ATP9A: variants seen among roughly 807,000 people sequenced by gnomAD.
The protein encoded by ATP9A is probable phospholipid-transporting ATPase IIA.
A neutral mutation model predicts 144.1 loss-of-function variants in ATP9A; 52 were observed. That is an observed-to-expected ratio of 0.36 (90% CI 0.29 to 0.45). The LOEUF (loss-of-function observed/expected upper bound fraction) is 0.45. ATP9A is among the 20% of genes least tolerant of loss of function. The probability of loss-of-function intolerance (pLI) is 1.00; values close to 1 mark genes in which losing one functional copy is unlikely to be tolerated. For synonymous variants in ATP9A, 582 were observed against 557.4 expected (o/e 1.04, Z -0.62); for missense variants, 947 against 1,392.7 (o/e 0.68, Z 5.09).
Position 51,696,106 on chromosome 20 carries a change from T to G in ATP9A, c.534A>C (p.Thr178=). 6.2e-7 allele frequency: 1 copy of G among 1,613,900 alleles called. No individual in the cohort carries two copies. The highest frequency in any genetic ancestry group is 8.5e-7 in the Non-Finnish European group (1 of 1,179,762). Residue 178 remains threonine, a synonymous_variant, in exon 6 of 28, where the codon ACA becomes ACC. Coordinates refer to ENST00000338821, the MANE Select transcript of ATP9A (RefSeq NM_006045.3). The stretch of plus-strand genomic sequence containing the variant: ...TCAGATGTTTACCGTTTTTTTCTGA[T>G]GTCCTCAGGAAGATCATGTCGGCAG... ...RVPADMIFLR[T]SEKNGSCFLR... is the part of the protein sequence containing the mutation.
At position 51,629,031 on chromosome 20, in the gene ATP9A, T is replaced by C; in HGVS notation, c.1710A>G (p.Ala570=). The part of the protein sequence containing the change: ...TGEITFYMKG[A]DVVMAGIVQY... ...GCACAATGCCAGCCATGACCACATC[T>C]GCTCCCTTCATGTAAAACGTAATTT... The change falls in exon 16 of 28, where the codon GCA becomes GCG. Residue 570 remains alanine, a synonymous_variant. Transcript: ENST00000338821. The C allele has an allele frequency of 6.2e-7, 1 of 1,614,188 alleles. No homozygotes were observed. Among genetic ancestry groups the C allele is most frequent in the Non-Finnish European group, 8.5e-7 (1 of 1,179,990 alleles).
rs111405109 is a variant in ATP9A, at chr20:51,608,922, C to T, written c.2637-296G>A. ...ATATAATGGGGTAGAGGAAATAAGA[C>T]GTGTGTGTGTGTGTGTGTGTGTGTG... On this transcript the variant is annotated intron_variant, in intron 24 of 27. Transcript: ENST00000338821. Among the ~76,000 whole-genome samples, 1,291 of 142,904 alleles carry T rather than the reference C, an allele frequency of 9.0e-3. 25 individuals are homozygous for T. Among genetic ancestry groups the T allele is most frequent in the African/African-American group, 0.032 (1,228 of 38,146 alleles). 93.8% of individuals were successfully genotyped at this position (142,904 alleles called of 152,430 possible).
At chr20:51,628,912 C>A in intron 16 of ATP9A, 68 bp downstream of exon 16, 1 of 1,357,908 alleles carries the variant, frequency 7.4e-7, no homozygotes, top group East Asian at 2.3e-5. Flanking sequence ...ACCCACCTTA[C>A]CATGCAAGGG....
At chr20:51,643,792 A>G (rs918736516) in intron 14 of ATP9A, among the ~76,000 whole-genome samples, 2 of 152,204 alleles carry the variant, frequency 1.3e-5, no homozygotes, top group African/African-American at 4.8e-5. Flanking sequence ...GTCTGCTAAC[A>G]ATTGTCTTCC....
At chr20:51,628,089 T>A (rs1601066737) in intron 16 of ATP9A, among the ~76,000 whole-genome samples, 1 of 151,968 alleles carries the variant, frequency 6.6e-6, no homozygotes, top group Non-Finnish European at 1.5e-5. Flanking sequence ...GAAGTGGAGG[T>A]GTCAAGTGAA....
chr20:51,671,730 C>A (rs2122788653), intron 11 of ATP9A, among the ~76,000 whole-genome samples: 1 of 152,238 alleles, frequency 6.6e-6, no homozygotes, highest in Admixed American at 6.6e-5. Flanking sequence ...CAATAACGCC[C>A]CATCCCCCAC....
chr20:51,646,043 T>A (rs1398250551), intron 14 of ATP9A, among the ~76,000 whole-genome samples: 1 of 152,046 alleles, frequency 6.6e-6, no homozygotes, highest in Non-Finnish European at 1.5e-5. Context: ...GCTGGAAAGG[T>A]AGAAAGGGCG....
chr20:51,625,423 C>G lies in ATP9A; in HGVS notation c.1846-61G>C, dbSNP rs1272612548. The G allele has an allele frequency of 5.2e-6, 8 of 1,549,796 alleles. No homozygotes were observed. The African/African-American group carries it at 1.1e-4, about 21-fold the overall frequency. ...GTGAGGAGAGGCCAGGCTGACTGGCCAGTGCCAAGAGTGGAAGGGCCACAC... is the reference window on the plus strand; with the variant it reads ...GTGAGGAGAGGCCAGGCTGACTGGCGAGTGCCAAGAGTGGAAGGGCCACAC... On this transcript the variant is annotated intron_variant, in intron 17 of 27. Transcript: ENST00000338821.
At chr20:51,658,711 G>C (rs187830310) in intron 13 of ATP9A, among the ~76,000 whole-genome samples, 2 of 151,530 alleles carry the variant, frequency 1.3e-5, no homozygotes, top group Non-Finnish European at 2.9e-5. Context: ...GTAGAGATGG[G>C]GTTTCACCAT....
intron 4 of ATP9A, among the ~76,000 whole-genome samples, chr20:51,709,555 T>A (rs557256991): frequency 1.3e-5 from 2 of 151,732 alleles, no homozygotes; most frequent in Non-Finnish European, 2.9e-5. Flanking sequence ...GGCAACCCCA[T>A]CTCTAGAAAT....
rs139086275 is a variant in ATP9A at position 51,662,305 on chromosome 20, T to C, written c.1294-5155A>G. Among the ~76,000 whole-genome samples, 660 of 152,260 alleles carry C rather than the reference T, an allele frequency of 4.3e-3. 8 individuals carry two copies. The highest frequency in any genetic ancestry group is 0.015 in the African/African-American group (620 of 41,560). ...GCTCACGCCTGTAATCCCAGCACTT[T>C]GGGGGAAGACGAGTGGATCGCCTGA... On this transcript the variant is annotated intron_variant, in intron 13 of 27. Transcript: ENST00000338821.
intron 1 of ATP9A, among the ~76,000 whole-genome samples, chr20:51,740,220 C>T (rs538204958): frequency 1.3e-5 from 2 of 151,644 alleles, no homozygotes; most frequent in South Asian, 2.1e-4. Context: ...CCACACCTGG[C>T]ATATTTTATA....
intron 3 of ATP9A, 134 bp from the exon 4 acceptor site, chr20:51,713,208 T>C (rs2077647630): frequency 1.3e-6 from 1 of 745,354 alleles, no homozygotes. Flanking sequence ...CTGTGAGTTA[T>C]TCCAAATGCA....
intron 12 of ATP9A, among the ~76,000 whole-genome samples, chr20:51,670,642 A>G (rs1568813178): frequency 6.6e-6 from 1 of 152,154 alleles, no homozygotes; most frequent in East Asian, 1.9e-4. Context: ...AGCAGTAGAG[A>G]TGAGGCTGAA....
intron 7 of ATP9A, among the ~76,000 whole-genome samples, chr20:51,692,929 G>A (rs527306599): frequency 1.4e-4 from 21 of 152,212 alleles, no homozygotes; most frequent in African/African-American, 4.3e-4. Flanking sequence ...CGTCAATCCC[G>A]CCAAGACATG....
Position 51,618,962 on chromosome 20 carries a change from A to G in ATP9A, c.2197T>C (p.Ser733Pro). 1.2e-6 allele frequency: 2 copies of G among 1,614,084 alleles called. No homozygotes were observed. The highest frequency in any genetic ancestry group is 1.7e-6 in the Non-Finnish European group (2 of 1,179,992). Residue 733 changes from serine to proline, a missense_variant, in exon 20 of 28, where the codon TCC becomes CCC. Around this residue, in one of 2 missense-constraint regions of ATP9A, gnomAD observed 770 missense variants for 1,047.9 expected, o/e 0.73. Coordinates refer to ENST00000338821, the MANE Select transcript of ATP9A (RefSeq NM_006045.3). ...HDCALVISGD[S>P]LEVCLKYYEY... ...GGGGTCCCCAAGCTCACCTCCAGGG[A>G]GTCTCCCGAGATGACCAGGGCACAA...
chr20:51,762,052 C>T (rs987685730), intron 1 of ATP9A, among the ~76,000 whole-genome samples: 1 of 152,078 alleles, frequency 6.6e-6, no homozygotes, highest in African/African-American at 2.4e-5. Context: ...CTGTCTTTCG[C>T]TTTTAAGGAC....
chr20:51,700,229 T>C (rs13042311), intron 4 of ATP9A, among the ~76,000 whole-genome samples: 10,830 of 152,100 alleles, frequency 0.071, 640 homozygotes, highest in African/African-American at 0.16. Context: ...TGATTAGAAA[T>C]GGGTAAAGAG....
chr20:51,626,230 T>C (rs995586255), intron 17 of ATP9A, among the ~76,000 whole-genome samples: 1 of 152,236 alleles, frequency 6.6e-6, no homozygotes, highest in African/African-American at 2.4e-5. Context: ...GGTTCATGCC[T>C]GTAATCCCAG....
Sources: allele counts gnomAD v4.1 joint callset (sites outside exome capture counted in the v4.1 genomes callset), GRCh38; gene constraint gnomAD v4.1.1; regional missense constraint gnomAD v4.1.1; transcripts MANE v1.5; gene names NCBI Gene and HGNC (gene_info 2026-07-23, HGNC 2026-07-21).